Variants in C6orf132 observed in about 807,000 individuals in gnomAD.
C6orf132 encodes the protein uncharacterized protein C6orf132.
Under a neutral mutation model 65.3 loss-of-function variants are expected in C6orf132, and 43 were observed. That is an observed-to-expected ratio of 0.66 (90% confidence interval 0.52 to 0.85). The LOEUF (loss-of-function observed/expected upper bound fraction) is 0.85. Among genes scored for constraint, C6orf132 ranks in the 40% least tolerant of loss-of-function variants. The pLI is 0.00. For missense variants in C6orf132, 1,488 were observed against 1,548.8 expected, an observed-to-expected ratio of 0.96 and a Z score of 0.66; for synonymous variants, 631 against 654.1, an observed-to-expected ratio of 0.96 and a Z score of 0.54.
At position 42,131,114 on chromosome 6, in the gene C6orf132, G is replaced by T. The variant is rs563526501; in HGVS notation, c.146-2336C>A. ...TTGGCCAGGCCTGTCTCAAACTCCT[G>T]AACTCAGGTGATCTACCCACCTTGG... On this transcript the variant is annotated intron_variant, in intron 1 of 4. Coordinates refer to ENST00000341865, the MANE Select transcript of C6orf132 (RefSeq NM_001164446.3). Among the ~76,000 whole-genome samples the T allele has an allele frequency of 1.1e-4, 16 of 152,260 alleles. 1 individual carries two copies. In the South Asian group the frequency reaches 3.1e-3, roughly 30 times the overall value.
rs774179050 is a variant in C6orf132 at position 42,106,456 on chromosome 6, G to C, written c.1456C>G (p.Arg486Gly). Residue 486 changes from arginine (R) to glycine (G), a missense_variant, in exon 4 of 5, where the codon CGA becomes GGA. By Grantham distance (125) the Arg-to-Gly change is moderately radical. Coordinates refer to ENST00000341865, the MANE Select transcript of C6orf132 (RefSeq NM_001164446.3). ...AYLCGSRRED[R>G]FLSHRPGPTV... ...GGGCCTGGCCTGTGACTGAGGAATC[G>C]GTCCTCTCTCCTGGAGCCACAGAGA... The C allele has an allele frequency of 2.2e-5, 34 of 1,536,144 alleles. No homozygotes were observed. Among genetic ancestry groups the C allele is most frequent in the Non-Finnish European group, 2.6e-5 (30 of 1,146,860 alleles).
intron 3 of C6orf132, 61 bp from the exon 4 acceptor site, chr6:42,107,644 C>T (rs1766435821): frequency 6.5e-7 from 1 of 1,546,776 alleles, no homozygotes; most frequent in African/African-American, 1.4e-5. Context: ...CTGCCAATTT[C>T]TGTTTACCCA....
At chr6:42,113,516 A>G (rs897235059) in intron 2 of C6orf132, among the ~76,000 whole-genome samples, 1 of 152,142 alleles carries the variant, frequency 6.6e-6, no homozygotes, top group African/African-American at 2.4e-5. Flanking sequence ...CATTTTCTTC[A>G]CTTAGAAAAC....
chr6:42,105,896 T>A lies in C6orf132; in HGVS notation c.2016A>T (p.Pro672=), dbSNP rs1353385855. 6.5e-7 allele frequency: 1 copy of A among 1,536,740 alleles called. No individual in the cohort carries two copies. The highest frequency in any genetic ancestry group is 1.2e-5 in the South Asian group (1 of 83,958). ...TGGTTGGCCCAGATGTGGCCTTGAG[T>A]GGTGTGGCTGGCCCAAGTGTGGCCT... ...PPKATLGPAT[P]LKATSGPTTP... is the part of the protein sequence containing the mutation. The change falls in exon 4 of 5, where the codon CCA becomes CCT. Residue 672 remains proline (P), a synonymous_variant. Coordinates refer to ENST00000341865, the MANE Select transcript of C6orf132 (RefSeq NM_001164446.3).
In C6orf132 at chr6:42,105,857, G is replaced by A; in HGVS notation, c.2055C>T (p.Ala685=). 6.5e-7 allele frequency: 1 copy of A among 1,537,230 alleles called. No homozygotes were observed. The highest frequency in any genetic ancestry group is 1.2e-5 in the South Asian group (1 of 84,062). The change falls in exon 4 of 5, where the codon GCC becomes GCT. Residue 685 remains alanine (A), a synonymous_variant. Coordinates refer to ENST00000341865, the MANE Select transcript of C6orf132 (RefSeq NM_001164446.3). ...ATSGPTTPLK[A]TSGPAIASTA... ...TAGATGCTATGGCAGGGCCAGATGT[G>A]GCCTTGAGTGGTGTGGTTGGCCCAG...
chr6:42,104,960 C>T lies in C6orf132; in HGVS notation c.2952G>A (p.Glu984=), dbSNP rs193099422. ...REEEEEEFNF[E]VIPPPPEFSN... ...TGAACTCTGGCGGCGGTGGGATGAC[C>T]TCGAAGTTGAACTCCTCCTCCTCCT... Residue 984 remains glutamate, a synonymous_variant, in exon 4 of 5, where the codon GAG becomes GAA. Coordinates refer to ENST00000341865, the MANE Select transcript of C6orf132 (RefSeq NM_001164446.3). The surrounding 1 kb of genome is among the most constrained non-coding windows in gnomAD (Gnocchi z 4.1). 1,388 of 1,489,888 alleles carry T rather than the reference C, an allele frequency of 9.3e-4. 18 individuals carry two copies. In the African/African-American group the frequency reaches 0.018, roughly 19 times the overall value. The allele number at this position is 1,489,888 out of a possible 1,614,324, so 92.3% of individuals were successfully genotyped here.
chr6:42,112,373 C>G (rs530332413), intron 2 of C6orf132, among the ~76,000 whole-genome samples: 8 of 152,294 alleles, frequency 5.3e-5, no homozygotes, highest in Admixed American at 2.0e-4. Flanking sequence ...GATGATGGAA[C>G]AGGGGTAGGG....
chr6:42,103,538 T>A lies in C6orf132; in HGVS notation c.*223A>T. 1 of 229,554 alleles carries A rather than the reference T, an allele frequency of 4.4e-6. No individual in the cohort carries two copies. Among genetic ancestry groups the A allele is most frequent in the East Asian group, 8.3e-5 (1 of 12,102 alleles). The allele number at this position is 229,554 out of a possible 1,614,324, so 14.2% of individuals were successfully genotyped here. ...CCTCCTTCCCCTCCCACCCCCCACGTGTAAACAGTCCACAGTCACACCAGC... is the reference window on the plus strand; with the variant it reads ...CCTCCTTCCCCTCCCACCCCCCACGAGTAAACAGTCCACAGTCACACCAGC... On this transcript the variant is annotated 3_prime_UTR_variant, in exon 5 of 5. Transcript: ENST00000341865.
chr6:42,142,155 TCCTCC>T, intron 1 of C6orf132, 140 bp downstream of exon 1: 14 of 903,398 alleles, frequency 1.5e-5, no homozygotes, highest in Non-Finnish European at 2.1e-5. Context: ...GTGCGGTGCC[TCCTCC>T]CCTGCCCGGC....
At chr6:42,111,245 G>T (rs1766489782) in intron 2 of C6orf132, among the ~76,000 whole-genome samples, 1 of 151,062 alleles carries the variant, frequency 6.6e-6, no homozygotes, top group Non-Finnish European at 1.5e-5. Context: ...ATCTGTAGCT[G>T]GGACTACAGA....
At chr6:42,130,171 C>T (rs1041028870) in intron 1 of C6orf132, among the ~76,000 whole-genome samples, 1 of 152,218 alleles carries the variant, frequency 6.6e-6, no homozygotes, top group Non-Finnish European at 1.5e-5. Flanking sequence ...GCCCGAACGT[C>T]GGGTTCTCCG....
chr6:42,142,004 A>C (rs1273741585), intron 1 of C6orf132, among the ~76,000 whole-genome samples: 1 of 152,082 alleles, frequency 6.6e-6, no homozygotes, highest in African/African-American at 2.4e-5. Flanking sequence ...GGATTCGCCA[A>C]GAGGGGGAAT....
intron 2 of C6orf132, among the ~76,000 whole-genome samples, chr6:42,126,004 C>T (rs1396275565): frequency 2.7e-5 from 4 of 150,284 alleles, no homozygotes; most frequent in African/African-American, 9.8e-5. Context: ...CAGATCTAGG[C>T]GAGGGGCAGG....
At chr6:42,133,861 C>T (rs1053337150) in intron 1 of C6orf132, among the ~76,000 whole-genome samples, 30 of 104,766 alleles carry the variant, frequency 2.9e-4, no homozygotes, top group African/African-American at 1.4e-3. Context: ...GGTGGATTTA[C>T]ACTCCCTCAA....
chr6:42,134,041 G>A (rs1425212386), intron 1 of C6orf132, among the ~76,000 whole-genome samples: 1 of 152,168 alleles, frequency 6.6e-6, no homozygotes, highest in Non-Finnish European at 1.5e-5. Context: ...TGGGCCAGAG[G>A]GCAGCAGAGT....
At chr6:42,121,501 G>T (rs955672810) in intron 2 of C6orf132, among the ~76,000 whole-genome samples, 1 of 152,212 alleles carries the variant, frequency 6.6e-6, no homozygotes, top group African/African-American at 2.4e-5. Context: ...GGAGGGCAGG[G>T]CTTACCCACT....
intron 1 of C6orf132, 129 bp downstream of exon 1, chr6:42,142,171 G>C: frequency 9.6e-7 from 1 of 1,044,718 alleles, no homozygotes; most frequent in Non-Finnish European, 1.4e-6. Context: ...CCTGCCCGGC[G>C]GCTGCTCTCG....
rs1010140562 is a variant in C6orf132 at position 42,104,643 on chromosome 6, T to C, written c.3269A>G (p.Asn1090Ser). 1.6e-5 allele frequency: 23 copies of C among 1,467,840 alleles called. No homozygotes were observed. The African/African-American group carries it at 2.5e-4, about 16-fold the overall frequency. The allele number at this position is 1,467,840 out of a possible 1,614,324, so 90.9% of individuals were successfully genotyped here. The change falls in exon 4 of 5, where the codon AAC (asparagine) becomes AGC (serine). Residue 1090 changes from asparagine to serine, a missense_variant. Physicochemically the swap from Asn to Ser is conservative, Grantham distance 46. Transcript: ENST00000341865. This position sits in a 1 kb window ranked among gnomAD's most constrained non-coding sequence, Gnocchi z 4.1. ...GCCTCCGGGCTGCGGCCCGAAGCAG[T>C]TGGGAGAGCTCAGGCTGCGGCCGGT... ...GGTGRSLSSPNCFGPQPGGPE... is the reference protein window; with the variant it reads ...GGTGRSLSSPSCFGPQPGGPE...
chr6:42,134,129 A>G (rs936053751), intron 1 of C6orf132, among the ~76,000 whole-genome samples: 19 of 152,178 alleles, frequency 1.2e-4, no homozygotes, highest in African/African-American at 4.3e-4. Flanking sequence ...GTAGTCGAAC[A>G]GCTCCTGGCT....
Sources: gnomAD v4.1 joint callset for allele counts (sites outside exome capture counted in the v4.1 genomes callset) on GRCh38, gnomAD v4.1.1 for gene constraint, Gnocchi (gnomAD v3.1) non-coding constraint, MANE v1.5 for transcripts, NCBI Gene and HGNC (gene_info 2026-07-23, HGNC 2026-07-21) for gene names.